The following C6orf89 variants were observed in gnomAD, a reference collection of about 807,000 sequenced individuals.
C6orf89 encodes the protein bombesin receptor-activated protein C6orf89.
A neutral mutation model predicts 40.7 loss-of-function variants in C6orf89; 29 were observed. That is an observed-to-expected ratio of 0.71 (90% CI 0.53 to 0.97). The LOEUF (loss-of-function observed/expected upper bound fraction) is 0.97. Ranked by LOEUF, C6orf89 falls within the 50% of genes least tolerant of loss-of-function variation. C6orf89 has a pLI of 0.00. For missense variants in C6orf89, 392 were observed against 429.1 expected, an observed-to-expected ratio of 0.91 and a Z score of 0.76; for synonymous variants, 165 against 152.2, an observed-to-expected ratio of 1.08 and a Z score of -0.62.
upstream of C6orf89, chr6:36,885,894 A>C: frequency 3.1e-6 from 2 of 636,788 alleles, no homozygotes; most frequent in Non-Finnish European, 4.1e-6. Context: ...GAATTACTCT[A>C]GGGTACAAGG....
chr6:36,874,684 C>G, intron 1 of C6orf89: 2 of 1,611,720 alleles, frequency 1.2e-6, no homozygotes, highest in Non-Finnish European at 1.7e-6. Context: ...TCCGCGTCTC[C>G]TCTGCCAGCC....
intron 7 of C6orf89, among the ~76,000 whole-genome samples, chr6:36,917,618 G>A (rs1762371970): frequency 6.6e-6 from 1 of 152,132 alleles, no homozygotes; most frequent in Non-Finnish European, 1.5e-5. Flanking sequence ...TTGCTGAATT[G>A]TGTTAAAGGA....
intron 1 of C6orf89, among the ~76,000 whole-genome samples, chr6:36,878,734 G>A (rs1346568471): frequency 6.6e-6 from 1 of 152,074 alleles, no homozygotes; most frequent in Non-Finnish European, 1.5e-5. Context: ...CAATCCCAGC[G>A]GCCATACTTC....
chr6:36,894,023 C>CAAAAAAAAA (rs779616350), intron 1 of C6orf89, among the ~76,000 whole-genome samples: 1 of 60,634 alleles, frequency 1.6e-5, no homozygotes, highest in African/African-American at 5.0e-5. Flanking sequence ...GACTCTGTCT[C>CAAAAAAAAA]AAAAAAAAAA....
chr6:36,920,612 ATAAC>A lies in C6orf89; in HGVS notation c.949+913_949+916del, dbSNP rs145685702. On this transcript the variant is annotated intron_variant, in intron 8 of 8. Coordinates refer to ENST00000480824, the MANE Select transcript of C6orf89 (RefSeq NM_001286635.2). ...TATGCCAAGTCTTAATTTAGGTTAC[ATAAC>A]TTTTATTTCAATTCAGAAATGAAAA... 0.019 allele frequency among the ~76,000 whole-genome samples: 2,826 copies of A among 152,336 alleles called. 191 individuals carry two copies. The East Asian group carries it at 0.26, about 14-fold the overall frequency.
intron 4 of C6orf89, among the ~76,000 whole-genome samples, chr6:36,905,401 T>A (rs1364808335): frequency 2.6e-5 from 4 of 152,312 alleles, no homozygotes; most frequent in African/African-American, 9.6e-5. Context: ...CCACTGTCTC[T>A]CTCGGATCAT....
chr6:36,912,658 G>A (rs1762168565), intron 4 of C6orf89, among the ~76,000 whole-genome samples: 2 of 152,198 alleles, frequency 1.3e-5, no homozygotes, highest in South Asian at 2.1e-4. Context: ...CAGGAGCAGG[G>A]TGTAGCGGTA....
chr6:36,892,202 G>A (rs992030918), intron 1 of C6orf89, among the ~76,000 whole-genome samples: 13 of 152,170 alleles, frequency 8.5e-5, no homozygotes, highest in Middle Eastern at 6.3e-3. Context: ...GCTTACCTCC[G>A]ACAGGCCTCT....
chr6:36,919,762 AT>A, intron 8 of C6orf89, 61 bp downstream of exon 8: 2 of 1,508,436 alleles, frequency 1.3e-6, no homozygotes, highest in East Asian at 2.3e-5. Context: ...CTCAAAAGCT[AT>A]TTTAAGAATC....
At chr6:36,872,154 A>G (rs761841967) in intron 1 of C6orf89, among the ~76,000 whole-genome samples, 7 of 151,850 alleles carry the variant, frequency 4.6e-5, no homozygotes, top group Non-Finnish European at 1.0e-4. Context: ...ATACATATGT[A>G]TATATATATA....
At chr6:36,876,521 TCAAGAC>T (rs1179944247) in intron 1 of C6orf89, among the ~76,000 whole-genome samples, 1 of 152,040 alleles carries the variant, frequency 6.6e-6, no homozygotes, top group Non-Finnish European at 1.5e-5. Context: ...GGTCAGGAGT[TCAAGAC>T]CAACCTGACC....
chr6:36,897,602 G>A lies in C6orf89; in HGVS notation c.-19-1824G>A, dbSNP rs140993410. 3.3e-5 allele frequency among the ~76,000 whole-genome samples: 5 copies of A among 152,306 alleles called. No homozygotes were observed. The East Asian group carries it at 9.6e-4, about 29-fold the overall frequency. ...CATGCCTTTTAATCCACCATTAGAA[G>A]TCTTCTGATTCTGATTTAATTGCTC... On this transcript the variant is annotated intron_variant, in intron 2 of 8. Coordinates refer to ENST00000480824, the MANE Select transcript of C6orf89 (RefSeq NM_001286635.2).
chr6:36,890,989 ACTTTTT>A (rs57966418), intron 1 of C6orf89, among the ~76,000 whole-genome samples: 48,680 of 151,692 alleles, frequency 0.32, 7,965 homozygotes, highest in African/African-American at 0.35. Context: ...TCTAAGAAGC[ACTTTTT>A]CTTTTTATTA....
At chr6:36,876,731 AAAAAAAAAAAGAAG>A (rs751751925) in intron 1 of C6orf89, among the ~76,000 whole-genome samples, 2 of 143,838 alleles carry the variant, frequency 1.4e-5, no homozygotes, top group Non-Finnish European at 3.0e-5. Context: ...TCTCAAAAAA[AAAAAAAAAAAGAAG>A]AAGAAGAAGA....
chr6:36,877,685 G>T (rs968036930), intron 1 of C6orf89, among the ~76,000 whole-genome samples: 2 of 152,160 alleles, frequency 1.3e-5, no homozygotes, highest in Admixed American at 1.3e-4. Context: ...CTGTTGCTCT[G>T]CTTCCAAGCC....
At chr6:36,909,929 A>T (rs942842974) in intron 4 of C6orf89, among the ~76,000 whole-genome samples, 1 of 152,162 alleles carries the variant, frequency 6.6e-6, no homozygotes, top group African/African-American at 2.4e-5. Flanking sequence ...TGTCCCAAAG[A>T]TTATAAAAAT....
intron 1 of C6orf89, among the ~76,000 whole-genome samples, chr6:36,889,905 G>C: frequency 6.6e-6 from 1 of 152,198 alleles, no homozygotes; most frequent in Admixed American, 6.5e-5. Flanking sequence ...CTTTCAAGTA[G>C]TTCTGGTAAA....
intron 1 of C6orf89, among the ~76,000 whole-genome samples, chr6:36,876,724 CAAAAAAAA>C (rs71540176): frequency 8.7e-5 from 8 of 92,216 alleles, no homozygotes; most frequent in Non-Finnish European, 1.3e-4. Flanking sequence ...AACTCCATCT[CAAAAAAAA>C]AAAAAAAAAG....
chr6:36,911,811 CAA>C (rs1225177090), intron 4 of C6orf89, among the ~76,000 whole-genome samples: 1 of 152,016 alleles, frequency 6.6e-6, no homozygotes, highest in Non-Finnish European at 1.5e-5. Flanking sequence ...CAGTATAGTG[CAA>C]ACATTCACAG....
Sources: allele counts gnomAD v4.1 joint callset (sites outside exome capture counted in the v4.1 genomes callset), GRCh38; gene constraint gnomAD v4.1.1; transcripts MANE v1.5; gene names NCBI Gene and HGNC (gene_info 2026-07-23, HGNC 2026-07-21).